Variants in UNC13C observed in about 807,000 individuals in gnomAD.
UNC13C encodes unc-13 homolog C.
Under a neutral mutation model 245.4 loss-of-function variants are expected in UNC13C, and 174 were observed. The observed-to-expected ratio is 0.71, with a 90% CI of 0.63 to 0.80. UNC13C has a LOEUF of 0.80. Ranked by LOEUF, UNC13C falls within the 30% of genes least tolerant of loss-of-function variation. The pLI is 0.00. For missense variants in UNC13C, 2,829 were observed against 2,602.9 expected (o/e 1.09, Z -1.89); for synonymous variants, 992 against 895.1 (o/e 1.11, Z -1.93).
At chr15:54,481,959 C>T (rs74971859) in intron 19 of UNC13C, among the ~76,000 whole-genome samples, 4,506 of 152,264 alleles carry the variant, frequency 0.03, 179 homozygotes, top group Admixed American at 0.12. Flanking sequence ...CTTGAAGGCA[C>T]TTGCAGGTGT....
intron 20 of UNC13C, among the ~76,000 whole-genome samples, chr15:54,497,701 CCTT>C (rs1204752633): frequency 1.3e-5 from 2 of 152,088 alleles, no homozygotes; most frequent in African/African-American, 2.4e-5. Flanking sequence ...AACAGTCTCT[CCTT>C]CTGTTGCAGC....
chr15:54,281,751 G>A (rs1458880900), intron 10 of UNC13C, among the ~76,000 whole-genome samples: 2 of 152,070 alleles, frequency 1.3e-5, no homozygotes, highest in Admixed American at 1.3e-4. Flanking sequence ...AGTATTATGA[G>A]GTAGGTATCA....
intron 2 of UNC13C, among the ~76,000 whole-genome samples, chr15:54,073,965 C>T (rs1201317879): frequency 6.6e-6 from 1 of 151,948 alleles, no homozygotes; most frequent in African/African-American, 2.4e-5. Flanking sequence ...TGCCTATGTC[C>T]AGAATGGTAT....
chr15:54,448,371 G>T (rs547791501), intron 19 of UNC13C, among the ~76,000 whole-genome samples: 3 of 152,226 alleles, frequency 2.0e-5, no homozygotes, highest in African/African-American at 7.2e-5. Flanking sequence ...GTTGACTGTG[G>T]GGTGTTAAAG....
intron 30 of UNC13C, among the ~76,000 whole-genome samples, chr15:54,617,986 TA>T (rs1289816406): frequency 6.6e-5 from 10 of 152,212 alleles, no homozygotes; most frequent in African/African-American, 2.4e-4. Context: ...GGTTAACTTA[TA>T]GGGGTCATTT....
At chr15:53,923,843 G>A in the UNC13C span, among the ~76,000 whole-genome samples, 1 of 152,172 alleles carries the variant, frequency 6.6e-6, no homozygotes, top group East Asian at 1.9e-4. Context: ...TTAATTCACC[G>A]CAGATGAGCA....
chr15:54,322,116 T>C, intron 14 of UNC13C, 21 bp downstream of exon 14: 1 of 1,530,692 alleles, frequency 6.5e-7, no homozygotes, highest in Non-Finnish European at 8.8e-7. Flanking sequence ...TTTTTTAAAC[T>C]TTAAAATTCC....
intron 10 of UNC13C, among the ~76,000 whole-genome samples, chr15:54,285,646 C>T (rs1207867355): frequency 6.6e-6 from 1 of 152,116 alleles, no homozygotes; most frequent in Non-Finnish European, 1.5e-5. Flanking sequence ...CAACTGATGC[C>T]CTGCCTTCCA....
At chr15:54,385,982 G>C (rs183520610) in intron 17 of UNC13C, among the ~76,000 whole-genome samples, 1 of 152,254 alleles carries the variant, frequency 6.6e-6, no homozygotes, top group Admixed American at 6.5e-5. Flanking sequence ...TGAGAACTCA[G>C]GAAGTGCAAA....
At chr15:54,007,398 G>A (rs892678382) in intron 1 of UNC13C, among the ~76,000 whole-genome samples, 1 of 152,042 alleles carries the variant, frequency 6.6e-6, no homozygotes, top group Non-Finnish European at 1.5e-5. Context: ...AAGAAAATGT[G>A]GTACATATAC....
chr15:54,189,694 T>A (rs1232749041), intron 4 of UNC13C, among the ~76,000 whole-genome samples: 1 of 152,118 alleles, frequency 6.6e-6, no homozygotes, highest in Non-Finnish European at 1.5e-5. Flanking sequence ...TAAAAATGAA[T>A]TTTTTTAATG....
chr15:54,492,428 T>C (rs1001543922), intron 19 of UNC13C, among the ~76,000 whole-genome samples: 1 of 152,200 alleles, frequency 6.6e-6, no homozygotes, highest in Non-Finnish European at 1.5e-5. Context: ...TAAAAACTAT[T>C]GACCATTTTA....
At chr15:54,402,946 A>G (rs905812344) in intron 18 of UNC13C, among the ~76,000 whole-genome samples, 4 of 152,204 alleles carry the variant, frequency 2.6e-5, no homozygotes, top group African/African-American at 9.7e-5. Flanking sequence ...TCATGAGACC[A>G]TATCAGGATT....
chr15:54,011,868 A>C (rs1027907338), intron 1 of UNC13C, among the ~76,000 whole-genome samples: 1 of 152,226 alleles, frequency 6.6e-6, no homozygotes, highest in Non-Finnish European at 1.5e-5. Flanking sequence ...GAGAGAGCTG[A>C]TAAAAGAGCA....
At chr15:54,199,956 A>T (rs2034470938) in intron 4 of UNC13C, among the ~76,000 whole-genome samples, 1 of 152,126 alleles carries the variant, frequency 6.6e-6, no homozygotes, top group East Asian at 1.9e-4. Flanking sequence ...GATAACAAAT[A>T]AGGACTCATA....
rs554773446 is a variant in UNC13C, at chr15:54,623,021, T to G, written c.6199+602T>G. 2.0e-5 allele frequency among the ~76,000 whole-genome samples: 3 copies of G among 152,334 alleles called. No homozygotes were observed. In the South Asian group the frequency reaches 6.2e-4, roughly 32 times the overall value. On this transcript the variant is annotated intron_variant, in intron 31 of 32. Coordinates refer to ENST00000260323, the MANE Select transcript of UNC13C (RefSeq NM_001080534.3). ...TTACATCATAAAAGTAAAATAGCTATATTTTAGAATAGATTATATACAGTA... is the reference window on the plus strand; with the variant it reads ...TTACATCATAAAAGTAAAATAGCTAGATTTTAGAATAGATTATATACAGTA...
intron 19 of UNC13C, among the ~76,000 whole-genome samples, chr15:54,478,846 GT>G (rs1253222687): frequency 5.9e-5 from 9 of 152,138 alleles, no homozygotes; most frequent in African/African-American, 2.2e-4. Context: ...GCAGAGCTGA[GT>G]TCAATTCCTG....
chr15:54,181,202 T>G (rs529020276), intron 4 of UNC13C, among the ~76,000 whole-genome samples: 198 of 152,186 alleles, frequency 1.3e-3, no homozygotes, highest in Middle Eastern at 6.8e-3. Context: ...GGATACACTT[T>G]TATTCTTCTG....
intron 14 of UNC13C, among the ~76,000 whole-genome samples, chr15:54,325,227 A>G (rs542468854): frequency 6.6e-6 from 1 of 152,150 alleles, no homozygotes; most frequent in South Asian, 2.1e-4. Flanking sequence ...AAAAAACTCT[A>G]TATGCAATTT....
Sources: gnomAD v4.1 joint callset for allele counts (sites outside exome capture counted in the v4.1 genomes callset) on GRCh38, gnomAD v4.1.1 for gene constraint, MANE v1.5 for transcripts, NCBI Gene and HGNC (gene_info 2026-07-23, HGNC 2026-07-21) for gene names.